The following C8orf34 variants were observed in gnomAD, a reference collection of about 807,000 sequenced individuals.
C8orf34 encodes chromosome 8 open reading frame 34.
In C8orf34, 65 loss-of-function variants were observed where a neutral mutation model predicts 68.3. That is an observed-to-expected ratio of 0.95 (90% CI 0.78 to 1.17). C8orf34 has a LOEUF of 1.17. Ranked by LOEUF, C8orf34 falls within the 50% of genes most tolerant of loss-of-function variation. The pLI, the probability that C8orf34 is intolerant of heterozygous loss-of-function variation, is 0.00. For synonymous variants in C8orf34, 244 were observed against 241.2 expected (o/e 1.01, Z -0.11); for missense variants, 664 against 655.4 (o/e 1.01, Z -0.14).
chr8:68,567,575 ATC>A (rs1563534694), intron 7 of C8orf34, among the ~76,000 whole-genome samples: 6 of 33,064 alleles, frequency 1.8e-4, no homozygotes, highest in East Asian at 1.9e-3. Context: ...TGTTTCATTT[ATC>A]TTTTTTTTTT....
intron 10 of C8orf34, among the ~76,000 whole-genome samples, chr8:68,744,973 G>T (rs1822436398): frequency 6.6e-6 from 1 of 152,094 alleles, no homozygotes; most frequent in Non-Finnish European, 1.5e-5. Context: ...AATGTTAAGG[G>T]CAGCCAGAGA....
intron 7 of C8orf34, among the ~76,000 whole-genome samples, chr8:68,567,939 C>A (rs1230079452): frequency 6.6e-6 from 1 of 151,438 alleles, no homozygotes; most frequent in Admixed American, 6.6e-5. Flanking sequence ...GACATGCAAC[C>A]CTTCCTTTCA....
intron 9 of C8orf34, among the ~76,000 whole-genome samples, chr8:68,716,035 G>C (rs117408166): frequency 0.011 from 1,612 of 152,178 alleles, 14 homozygotes; most frequent in South Asian, 0.02. Flanking sequence ...CAGAATTGGA[G>C]ACTATTATTC....
In C8orf34 at chr8:68,376,610, C is replaced by CTT. The variant is rs113971584; in HGVS notation, c.327+45282_327+45283dup. Reference sequence around the variant, plus strand: ...CTTTTATGTTCTGTGCATCTTTCTCCTTTTTTTTTTTTAAATCATTTTACT... The same window carrying CTT: ...CTTTTATGTTCTGTGCATCTTTCTCCTTTTTTTTTTTTTTAAATCATTTTACT... On this transcript the variant is annotated intron_variant, in intron 1 of 13. Coordinates refer to ENST00000518698, the MANE Select transcript of C8orf34 (RefSeq NM_052958.4). 1.9e-3 allele frequency among the ~76,000 whole-genome samples: 279 copies of CTT among 145,560 alleles called. 1 individual carries two copies. Among genetic ancestry groups the CTT allele is most frequent in the African/African-American group, 6.9e-3 (275 of 39,934 alleles).
At chr8:68,629,698 A>G (rs1818633857) in intron 7 of C8orf34, among the ~76,000 whole-genome samples, 1 of 152,188 alleles carries the variant, frequency 6.6e-6, no homozygotes, top group Non-Finnish European at 1.5e-5. Flanking sequence ...GAGAAAGATC[A>G]AGTTTCTATT....
chr8:68,706,332 AC>A (rs1467622892), intron 8 of C8orf34, among the ~76,000 whole-genome samples: 6 of 152,130 alleles, frequency 3.9e-5, no homozygotes, highest in Non-Finnish European at 7.4e-5. Flanking sequence ...ACTCCCTTAT[AC>A]CTAGGAGAAA....
At chr8:68,809,195 G>A (rs937069883) in intron 12 of C8orf34, among the ~76,000 whole-genome samples, 1 of 152,146 alleles carries the variant, frequency 6.6e-6, no homozygotes, top group Non-Finnish European at 1.5e-5. Flanking sequence ...CTACATGATA[G>A]TAAAGGCAAA....
chr8:68,623,307 A>G (rs982771553), intron 7 of C8orf34, among the ~76,000 whole-genome samples: 1 of 152,158 alleles, frequency 6.6e-6, no homozygotes, highest in Non-Finnish European at 1.5e-5. Context: ...GCATTTGACA[A>G]TCAGCAGTGG....
upstream of C8orf34, chr8:68,330,645 G>T (rs1484760961): frequency 4.9e-6 from 1 of 203,868 alleles, no homozygotes; most frequent in Non-Finnish European, 9.6e-6. Context: ...CCAGATTTAT[G>T]TGCACTTTGA....
chr8:68,672,771 A>G (rs1820054407), intron 8 of C8orf34, among the ~76,000 whole-genome samples: 1 of 152,200 alleles, frequency 6.6e-6, no homozygotes, highest in Non-Finnish European at 1.5e-5. Flanking sequence ...CATGCAATCT[A>G]GTGAGACACC....
chr8:68,759,978 A>G (rs1822977172), intron 10 of C8orf34, among the ~76,000 whole-genome samples: 1 of 152,208 alleles, frequency 6.6e-6, no homozygotes, highest in Admixed American at 6.5e-5. Context: ...CTGAATGAAC[A>G]GATGTTTGTG....
intron 7 of C8orf34, among the ~76,000 whole-genome samples, chr8:68,540,388 G>C (rs1815653682): frequency 6.6e-6 from 1 of 151,114 alleles, no homozygotes; most frequent in Non-Finnish European, 1.5e-5. Flanking sequence ...CTTAATGACA[G>C]AAAAAATTTC....
At chr8:68,589,609 G>GA (rs1168025510) in intron 7 of C8orf34, among the ~76,000 whole-genome samples, 2 of 96,646 alleles carry the variant, frequency 2.1e-5, no homozygotes, top group African/African-American at 4.4e-5. Flanking sequence ...AGGAAAGAAA[G>GA]AAGGAGAGAA....
chr8:68,662,931 T>C (rs1466907505), intron 8 of C8orf34, among the ~76,000 whole-genome samples: 2 of 152,198 alleles, frequency 1.3e-5, no homozygotes, highest in African/African-American at 4.8e-5. Context: ...CTCTTTGGCA[T>C]AGAGATTATT....
chr8:68,655,576 T>C (rs1367148838), intron 8 of C8orf34, among the ~76,000 whole-genome samples: 1 of 152,208 alleles, frequency 6.6e-6, no homozygotes, highest in African/African-American at 2.4e-5. Flanking sequence ...TTTCTTGCAA[T>C]GCTGGGCAGT....
chr8:68,354,093 A>G (rs2129618764), intron 1 of C8orf34, among the ~76,000 whole-genome samples: 1 of 152,240 alleles, frequency 6.6e-6, no homozygotes, highest in Admixed American at 6.5e-5. Flanking sequence ...AAGGAGAGAG[A>G]GGAGTAGTCA....
chr8:68,534,716 G>T, intron 7 of C8orf34: 1 of 985,386 alleles, frequency 1.0e-6, no homozygotes, highest in Non-Finnish European at 1.2e-6. Flanking sequence ...CCTGTAAATG[G>T]TTCCTCTGCT....
At chr8:68,573,638 G>A (rs1015310993) in intron 7 of C8orf34, among the ~76,000 whole-genome samples, 3 of 152,130 alleles carry the variant, frequency 2.0e-5, no homozygotes, top group African/African-American at 7.2e-5. Context: ...GCAATATAAT[G>A]CATCTACTTC....
intron 4 of C8orf34, 146 bp downstream of exon 4, chr8:68,468,966 G>T: frequency 1.1e-6 from 1 of 871,000 alleles, no homozygotes; most frequent in Non-Finnish European, 1.7e-6. Context: ...AGATTGGAAA[G>T]GAACTTGATT....
Sources: gnomAD v4.1 joint callset for allele counts (sites outside exome capture counted in the v4.1 genomes callset) on GRCh38, gnomAD v4.1.1 for gene constraint, MANE v1.5 for transcripts, NCBI Gene and HGNC (gene_info 2026-07-23, HGNC 2026-07-21) for gene names.